The following SRRT variants were observed in gnomAD, a reference collection of about 807,000 sequenced individuals.
SRRT encodes the protein serrate, RNA effector molecule.
In SRRT, 32 loss-of-function variants were observed where a neutral mutation model predicts 103.2. The ratio of observed to expected loss-of-function variants is 0.31; its 90% CI spans 0.23 to 0.42. The LOEUF is 0.42. Among genes scored for constraint, SRRT ranks in the 10% least tolerant of loss-of-function variants. SRRT has a pLI of 1.00. For synonymous variants in SRRT, 525 were observed against 449.0 expected, an observed-to-expected ratio of 1.17 and a Z score of -2.14; for missense variants, 986 against 1,207.5, an observed-to-expected ratio of 0.82 and a Z score of 2.72.
rs1050267999 is a variant in SRRT, at chr7:100,886,702, C to T, written c.1648-93C>T. 7 of 1,420,668 alleles carry T rather than the reference C, an allele frequency of 4.9e-6. No individual in the cohort carries two copies. In the South Asian group the frequency reaches 7.3e-5, roughly 15 times the overall value. The allele number at this position is 1,420,668 out of a possible 1,614,324, so 88.0% of individuals were successfully genotyped here. Reference sequence around the variant, plus strand: ...GGTGCCATTTATGTCCGGTGAACTCCTGTCCCCTCGCTGCTCTTTCACTTG... The same window carrying T: ...GGTGCCATTTATGTCCGGTGAACTCTTGTCCCCTCGCTGCTCTTTCACTTG... On this transcript the variant is annotated intron_variant, in intron 13 of 19. Transcript: ENST00000611405.
intron 12 of SRRT, 140 bp downstream of exon 12, chr7:100,886,081 G>T: frequency 7.7e-7 from 1 of 1,293,592 alleles, no homozygotes. Context: ...TTGTCTCTGG[G>T]CAAGGCTCTA....
rs1392511281 is a variant in SRRT, at chr7:100,888,333, C to T, written c.2505C>T (p.Asn835=). The T allele has an allele frequency of 1.2e-6, 2 of 1,614,018 alleles. No homozygotes were observed. The highest frequency in any genetic ancestry group is 1.3e-5 in the African/African-American group (1 of 74,934). Residue 835 remains asparagine (N), a synonymous_variant, in exon 19 of 20, where the codon AAC becomes AAT. Coordinates refer to ENST00000611405, the MANE Select transcript of SRRT (RefSeq NM_015908.6). ...CCCCGTATGGTGCTGGTCGAGGGAA[C>T]TATGATGCCTTCCGAGGCCAGGGAG... ...PHAPYGAGRG[N]YDAFRGQGGY... is the part of the protein sequence containing the mutation.
intron 2 of SRRT, among the ~76,000 whole-genome samples, chr7:100,880,129 G>T (rs1816145852): frequency 6.6e-6 from 1 of 152,194 alleles, no homozygotes; most frequent in African/African-American, 2.4e-5. Flanking sequence ...GGCAGAGAGT[G>T]GGACAGCTTT....
intron 2 of SRRT, among the ~76,000 whole-genome samples, chr7:100,878,375 TTAAG>T (rs1815953562): frequency 6.6e-6 from 1 of 152,164 alleles, no homozygotes; most frequent in African/African-American, 2.4e-5. Flanking sequence ...CAGCTTCCCA[TTAAG>T]TAAAGACTTT....
At position 100,882,041 on chromosome 7, in the gene SRRT, G is replaced by T; in HGVS notation, c.399-12G>T. 1 of 1,607,880 alleles carries T rather than the reference G, an allele frequency of 6.2e-7. No individual in the cohort carries two copies. On this transcript the variant is annotated splice_polypyrimidine_tract_variant and intron_variant, in intron 4 of 19. Coordinates refer to ENST00000611405, the MANE Select transcript of SRRT (RefSeq NM_015908.6). This position sits in a 1 kb window ranked among gnomAD's most constrained non-coding sequence, Gnocchi z 4.2. ...CCAAAAACCAAGCCTTCCTGACCGG[G>T]GTCCCCTCCAGGCTGGGCAGCATTG...
intron 2 of SRRT, 159 bp downstream of exon 2, chr7:100,875,871 T>C: frequency 1.2e-6 from 1 of 829,752 alleles, no homozygotes; most frequent in Non-Finnish European, 1.9e-6. Context: ...GTTGGCCAAA[T>C]AACTAGCTGT....
rs1815800950 is a variant in SRRT at position 100,877,137 on chromosome 7, A to G, written c.122+1425A>G. Among the ~76,000 whole-genome samples, 4 of 151,814 alleles carry G rather than the reference A, an allele frequency of 2.6e-5. No individual in the cohort carries two copies. The South Asian group carries it at 8.3e-4, about 32-fold the overall frequency. On this transcript the variant is annotated intron_variant, in intron 2 of 19. Coordinates refer to ENST00000611405, the MANE Select transcript of SRRT (RefSeq NM_015908.6). ...TGACAGCAAAGAGTTAAAAAAAAAA[A>G]GCCAGCCGGGCCCAGTGGCTCACAC...
At chr7:100,886,097 T>G in intron 12 of SRRT, 150 bp from the exon 13 acceptor site, 1 of 1,260,772 alleles carries the variant, frequency 7.9e-7, no homozygotes, top group Non-Finnish European at 1.1e-6. Context: ...CTCTAGGGCG[T>G]TAGCATGGAC....
intron 1 of SRRT, 54 bp downstream of exon 1, chr7:100,875,382 G>A (rs1815568865): frequency 7.4e-7 from 1 of 1,344,002 alleles, no homozygotes; most frequent in Admixed American, 3.0e-5. Context: ...AGGAACCGGG[G>A]TCCACGGGGG....
intron 4 of SRRT, 43 bp downstream of exon 4, chr7:100,881,848 G>A (rs191108306): frequency 1.3e-6 from 2 of 1,553,420 alleles, no homozygotes; most frequent in Non-Finnish European, 1.7e-6. Context: ...AGGCCTGGGG[G>A]ATGGATGGGG....
At chr7:100,884,035 C>A in intron 5 of SRRT, 35 bp from the exon 6 acceptor site, 2 of 1,517,446 alleles carry the variant, frequency 1.3e-6, no homozygotes, top group Non-Finnish European at 1.8e-6. Context: ...CTTCCAATAA[C>A]TGTTTTGTCT....
In SRRT at chr7:100,887,640, T is replaced by C; in HGVS notation, c.2170-63T>C. 1.3e-6 allele frequency: 2 copies of C among 1,580,626 alleles called. No homozygotes were observed. Among genetic ancestry groups the C allele is most frequent in the Admixed American group, 3.4e-5 (2 of 58,300 alleles). ...GGCGGGAGCTGGGAATCCTTCCAGC[T>C]CGGGCCTGGGAGCGAGGCAACCCTT... On this transcript the variant is annotated intron_variant, in intron 16 of 19. Transcript: ENST00000611405. The surrounding 1 kb of genome is among the most constrained non-coding windows in gnomAD (Gnocchi z 4.1).
In SRRT at chr7:100,887,161, C is replaced by A; in HGVS notation, c.1936C>A (p.Arg646=). The A allele has an allele frequency of 1.9e-6, 3 of 1,614,200 alleles. No individual in the cohort carries two copies. The highest frequency in any genetic ancestry group is 2.5e-6 in the Non-Finnish European group (3 of 1,180,040). Reference sequence around the variant, plus strand: ...CAATCGCTGTGGGATCATCCACGTTCGGGGGCCCATGCCACCCAACCGCAT... The same window carrying A: ...CAATCGCTGTGGGATCATCCACGTTAGGGGGCCCATGCCACCCAACCGCAT... The part of the protein sequence containing the change: ...MPNRCGIIHV[R]GPMPPNRISH... The change falls in exon 15 of 20, where the codon CGG becomes AGG. Residue 646 remains arginine (R), a synonymous_variant. Transcript: ENST00000611405. The surrounding 1 kb of genome is among the most constrained non-coding windows in gnomAD (Gnocchi z 4.1).
At position 100,885,272 on chromosome 7, in the gene SRRT, G is replaced by A. The variant is rs759736949; in HGVS notation, c.1219G>A (p.Ala407Thr). The A allele has an allele frequency of 1.2e-6, 2 of 1,614,162 alleles. No homozygotes were observed. The highest frequency in any genetic ancestry group is 8.5e-7 in the Non-Finnish European group (1 of 1,180,036). ...KEEEWEKPKDAAGLECKPRPL... is the reference protein window; with the variant it reads ...KEEEWEKPKDTAGLECKPRPL... ...AGAAGAATGGGAGAAGCCCAAGGACGCCGCGGGGCTGGAGTGCAAGCCGCG... is the reference window on the plus strand; with the variant it reads ...AGAAGAATGGGAGAAGCCCAAGGACACCGCGGGGCTGGAGTGCAAGCCGCG... The change falls in exon 10 of 20, where the codon GCC (alanine) becomes ACC (threonine). Residue 407 changes from alanine (A) to threonine (T), a missense_variant. Physicochemically the swap from Ala to Thr is moderately conservative, Grantham distance 58. Coordinates refer to ENST00000611405, the MANE Select transcript of SRRT (RefSeq NM_015908.6). This position sits in a 1 kb window ranked among gnomAD's most constrained non-coding sequence, Gnocchi z 4.8.
rs1379696935 is a variant in SRRT at position 100,884,608 on chromosome 7, G to T, written c.942+56G>T. On this transcript the variant is annotated intron_variant, in intron 7 of 19. Transcript: ENST00000611405. The stretch of plus-strand genomic sequence containing the variant: ...CTGGCAGCCTGGGGGAGGGGGGCGG[G>T]TAGGGGTCCATAGGAGCTAGAAGTA... 7 of 681,928 alleles carry T rather than the reference G, an allele frequency of 1.0e-5. No homozygotes were observed. In the East Asian group the frequency reaches 3.4e-4, roughly 33 times the overall value. 42.2% of individuals were successfully genotyped at this position (681,928 alleles called of 1,614,324 possible).
chr7:100,887,449 C>G lies in SRRT; in HGVS notation c.2105C>G (p.Thr702Ser). The G allele has an allele frequency of 6.2e-7, 1 of 1,614,174 alleles. No individual in the cohort carries two copies. The highest frequency in any genetic ancestry group is 8.5e-7 in the Non-Finnish European group (1 of 1,180,040). ...DPEQEVEKFV[T>S]SNTQELGKDK... is the part of the protein sequence containing the mutation. ...GAGCAGGAAGTGGAGAAGTTCGTCA[C>G]CTCCAACACGCAGGAACTGGGCAAG... Residue 702 changes from threonine to serine, a missense_variant, in exon 16 of 20, where the codon ACC becomes AGC. Coordinates refer to ENST00000611405, the MANE Select transcript of SRRT (RefSeq NM_015908.6). The surrounding 1 kb of genome is among the most constrained non-coding windows in gnomAD (Gnocchi z 4.1).
At chr7:100,879,603 G>A (rs925719206) in intron 2 of SRRT, among the ~76,000 whole-genome samples, 5 of 152,102 alleles carry the variant, frequency 3.3e-5, no homozygotes, top group Non-Finnish European at 7.4e-5. Context: ...TGAAGGTTTT[G>A]GAACATTTCG....
At chr7:100,880,366 G>C (rs972445647) in intron 2 of SRRT, among the ~76,000 whole-genome samples, 1 of 152,080 alleles carries the variant, frequency 6.6e-6, no homozygotes, top group East Asian at 1.9e-4. Context: ...GCAGTGGCGC[G>C]ATCTCGGCTC....
At chr7:100,883,250 C>T (rs576569889) in intron 5 of SRRT, among the ~76,000 whole-genome samples, 1 of 152,314 alleles carries the variant, frequency 6.6e-6, no homozygotes, top group South Asian at 2.1e-4. Flanking sequence ...TGCTCCCTGC[C>T]TAACACCACC....
Sources: allele counts gnomAD v4.1 joint callset (sites outside exome capture counted in the v4.1 genomes callset), GRCh38; gene constraint gnomAD v4.1.1; non-coding constraint Gnocchi (gnomAD v3.1); transcripts MANE v1.5; gene names NCBI Gene and HGNC (gene_info 2026-07-23, HGNC 2026-07-21).